ITGA8: variants seen among roughly 807,000 people sequenced by gnomAD.
ITGA8 encodes integrin alpha-8.
ITGA8 carries 91 observed loss-of-function variants against 142.3 expected under a neutral mutation model. The observed-to-expected ratio is 0.64, with a 90% CI of 0.54 to 0.76. The LOEUF is 0.76. Among genes scored for constraint, ITGA8 ranks in the 30% least tolerant of loss-of-function variants. The probability of loss-of-function intolerance (pLI) is 0.00; values close to 1 mark genes in which losing one functional copy is unlikely to be tolerated. For synonymous variants in ITGA8, 505 were observed against 485.2 expected, an observed-to-expected ratio of 1.04 and a Z score of -0.54; for missense variants, 1,406 against 1,327.7, an observed-to-expected ratio of 1.06 and a Z score of -0.92.
chr10:15,712,085 A>G (rs896214401), intron 2 of ITGA8, among the ~76,000 whole-genome samples: 2 of 152,258 alleles, frequency 1.3e-5, no homozygotes, highest in African/African-American at 2.4e-5. Context: ...AATTGAAATT[A>G]CTTTAATCTA....
chr10:15,612,762 T>C (rs1457013375), intron 15 of ITGA8, among the ~76,000 whole-genome samples: 1 of 152,258 alleles, frequency 6.6e-6, no homozygotes, highest in Non-Finnish European at 1.5e-5. Flanking sequence ...AAAAATCTTG[T>C]ATAATGTGTT....
At chr10:15,637,504 AT>A (rs59157680) in intron 13 of ITGA8, among the ~76,000 whole-genome samples, 32,370 of 130,926 alleles carry the variant, frequency 0.25, 2,197 homozygotes, top group Non-Finnish European at 0.31. Context: ...GACTCTTTAA[AT>A]TTTTTTTTTT....
intron 8 of ITGA8, among the ~76,000 whole-genome samples, chr10:15,663,597 T>C (rs958266424): frequency 5.3e-5 from 8 of 151,980 alleles, no homozygotes; most frequent in African/African-American, 1.9e-4. Flanking sequence ...GGACGAGATC[T>C]GAGTCTGTCA....
chr10:15,624,379 G>A (rs1833544960), intron 13 of ITGA8, among the ~76,000 whole-genome samples: 1 of 152,194 alleles, frequency 6.6e-6, no homozygotes, highest in African/African-American at 2.4e-5. Context: ...TTCTCTAGAT[G>A]AGAAGGGCAA....
chr10:15,568,160 G>A (rs1257570727), intron 25 of ITGA8, among the ~76,000 whole-genome samples: 2 of 152,144 alleles, frequency 1.3e-5, no homozygotes, highest in Non-Finnish European at 2.9e-5. Context: ...CTGGCCTCAA[G>A]TGATCCTCCC....
rs544090580 is a variant in ITGA8, at chr10:15,549,882, G to A, written c.2767-1314C>T. 5.0e-4 allele frequency among the ~76,000 whole-genome samples: 76 copies of A among 152,270 alleles called. 1 individual carries two copies. The highest frequency in any genetic ancestry group is 1.7e-3 in the African/African-American group (70 of 41,548). Reference sequence around the variant, plus strand: ...AGTAATATATTGTCTGATAAATTGCGGTGAAGTTCATTTCCTACAGGATGC... The same window carrying A: ...AGTAATATATTGTCTGATAAATTGCAGTGAAGTTCATTTCCTACAGGATGC... On this transcript the variant is annotated intron_variant, in intron 26 of 29. Coordinates refer to ENST00000378076, the MANE Select transcript of ITGA8 (RefSeq NM_003638.3).
chr10:15,650,213 C>G lies in ITGA8; in HGVS notation c.1002-3162G>C, dbSNP rs550580096. On this transcript the variant is annotated intron_variant, in intron 11 of 29. Transcript: ENST00000378076. ...CTGCTGTATGATTCCAACTGCATGA[C>G]ACTCTGGAAAAGACACAACTCTGAA... 2.4e-4 allele frequency among the ~76,000 whole-genome samples: 36 copies of G among 152,266 alleles called. No homozygotes were observed. The South Asian group carries it at 4.4e-3, about 18-fold the overall frequency.
At chr10:15,694,504 T>C (rs1396191069) in intron 2 of ITGA8, among the ~76,000 whole-genome samples, 1 of 137,236 alleles carries the variant, frequency 7.3e-6, no homozygotes, top group Non-Finnish European at 1.5e-5. Flanking sequence ...TATAAAAATG[T>C]ATCTAATATA....
chr10:15,682,835 C>CA (rs1377399095), intron 4 of ITGA8, among the ~76,000 whole-genome samples: 8 of 130,812 alleles, frequency 6.1e-5, no homozygotes, highest in African/African-American at 2.3e-4. Context: ...GCCTGGGTGA[C>CA]AGAGTGAGAC....
intron 13 of ITGA8, among the ~76,000 whole-genome samples, chr10:15,628,805 G>A (rs1833633937): frequency 6.6e-6 from 1 of 151,870 alleles, no homozygotes; most frequent in Admixed American, 6.5e-5. Context: ...TGACACATTT[G>A]TTGTGTGTAT....
At chr10:15,529,694 G>T (rs1049878791) in intron 28 of ITGA8, among the ~76,000 whole-genome samples, 9 of 152,154 alleles carry the variant, frequency 5.9e-5, no homozygotes, top group African/African-American at 2.2e-4. Flanking sequence ...CAAATCAAGT[G>T]GTTAATTTAG....
chr10:15,520,730 G>A (rs538493028), intron 28 of ITGA8, among the ~76,000 whole-genome samples: 1 of 152,336 alleles, frequency 6.6e-6, no homozygotes, highest in East Asian at 1.9e-4. Context: ...ATTCACTAAC[G>A]TAGTATTCCG....
intron 27 of ITGA8, among the ~76,000 whole-genome samples, chr10:15,537,966 C>CA (rs1833480613): frequency 7.0e-5 from 10 of 143,052 alleles, no homozygotes; most frequent in African/African-American, 2.6e-4. Flanking sequence ...AAAAACAAAA[C>CA]AAAACAAAAA....
At chr10:15,661,091 G>T (rs1339817978) in intron 8 of ITGA8, among the ~76,000 whole-genome samples, 169 bp from the exon 9 acceptor site, 3 of 152,186 alleles carry the variant, frequency 2.0e-5, no homozygotes, top group African/African-American at 7.2e-5. Flanking sequence ...TCTGTGGCCT[G>T]TTGGGAGCCC....
At chr10:15,645,406 T>G (rs190630117) in intron 12 of ITGA8, among the ~76,000 whole-genome samples, 2 of 152,328 alleles carry the variant, frequency 1.3e-5, no homozygotes, top group African/African-American at 4.8e-5. Context: ...AAATATGATT[T>G]TAAACGACAG....
chr10:15,665,849 G>A (rs1284435683), intron 8 of ITGA8, among the ~76,000 whole-genome samples: 10 of 152,080 alleles, frequency 6.6e-5, no homozygotes, highest in Non-Finnish European at 1.3e-4. Context: ...TTATTTCTGA[G>A]GGCTCTGTTC....
rs1833796071 is a variant in ITGA8 at position 15,637,654 on chromosome 10, G to A, written c.1399+6376C>T. The stretch of plus-strand genomic sequence containing the variant: ...AGACTCCCAAGTAGCTGGAACTGCA[G>A]GCATACTGCAGCATGCCTGGCCAAT... On this transcript the variant is annotated intron_variant, in intron 13 of 29. Coordinates refer to ENST00000378076, the MANE Select transcript of ITGA8 (RefSeq NM_003638.3). Among the ~76,000 whole-genome samples, 9 of 152,082 alleles carry A rather than the reference G, an allele frequency of 5.9e-5. No individual in the cohort carries two copies. In the South Asian group the frequency reaches 1.7e-3, roughly 28 times the overall value.
At chr10:15,575,671 CA>C (rs1256628093) in intron 23 of ITGA8, 77 bp from the exon 24 acceptor site, 2 of 1,121,628 alleles carry the variant, frequency 1.8e-6, no homozygotes, top group African/African-American at 3.1e-5. Flanking sequence ...AGTATACTAA[CA>C]GAAGCAGAAG....
chr10:15,646,120 C>T (rs1230322280), intron 12 of ITGA8, among the ~76,000 whole-genome samples: 6 of 152,128 alleles, frequency 3.9e-5, no homozygotes, highest in Non-Finnish European at 7.3e-5. Flanking sequence ...AAAAATAATT[C>T]CTGCCTCTAC....
Sources: gnomAD v4.1 joint callset for allele counts (sites outside exome capture counted in the v4.1 genomes callset) on GRCh38, gnomAD v4.1.1 for gene constraint, MANE v1.5 for transcripts, NCBI Gene and HGNC (gene_info 2026-07-23, HGNC 2026-07-21) for gene names.